The following NDRG3 variants were observed in gnomAD, a reference collection of about 807,000 sequenced individuals.
NDRG3 encodes the protein NDRG family member 3.
NDRG3 carries 23 observed loss-of-function variants against 57.2 expected under a neutral mutation model. The observed-to-expected ratio is 0.40, with a 90% CI of 0.29 to 0.57. The LOEUF (loss-of-function observed/expected upper bound fraction) is 0.57. Among genes scored for constraint, NDRG3 ranks in the 20% least tolerant of loss-of-function variants. NDRG3 has a pLI of 0.42. For missense variants in NDRG3, 384 were observed against 457.3 expected (o/e 0.84, Z 1.46); for synonymous variants, 132 against 162.6 (o/e 0.81, Z 1.43).
intron 8 of NDRG3, among the ~76,000 whole-genome samples, chr20:36,677,352 G>A (rs1980838696): frequency 6.6e-6 from 1 of 152,250 alleles, no homozygotes. Context: ...GGCCCTGAAG[G>A]CTACGGGCTG....
chr20:36,739,807 G>T (rs951482617), intron 1 of NDRG3, among the ~76,000 whole-genome samples: 1 of 151,700 alleles, frequency 6.6e-6, no homozygotes, highest in African/African-American at 2.4e-5. Flanking sequence ...CTACTCGGGA[G>T]GCTGAGGCAG....
At chr20:36,699,897 C>T (rs890002921) in intron 3 of NDRG3, among the ~76,000 whole-genome samples, 3 of 151,870 alleles carry the variant, frequency 2.0e-5, no homozygotes, top group East Asian at 1.9e-4. Flanking sequence ...CTGAGGCAGG[C>T]GGATCACGAG....
Position 36,665,254 on chromosome 20 carries a change from T to C in NDRG3, c.740A>G (p.Asn247Ser). ...IERPILGQND[N>S]KSKTLKCSTL... ...AACTTACTTTAATGTTTTTGATTTG[T>C]TATCATTTTGGCCCAGTATGGGTCT... Residue 247 changes from asparagine to serine, a missense_variant, in exon 11 of 16, where the codon AAC (asparagine) becomes AGC (serine). Asn to Ser is a conservative substitution (Grantham distance 46). Coordinates refer to ENST00000349004, the MANE Select transcript of NDRG3 (RefSeq NM_032013.4). 2.5e-6 allele frequency: 4 copies of C among 1,614,180 alleles called. No individual in the cohort carries two copies. The highest frequency in any genetic ancestry group is 3.4e-6 in the Non-Finnish European group (4 of 1,180,016).
intron 12 of NDRG3, among the ~76,000 whole-genome samples, chr20:36,664,482 A>G (rs1359717702): frequency 1.3e-5 from 2 of 152,186 alleles, no homozygotes; most frequent in Non-Finnish European, 2.9e-5. Context: ...CAGAAATCTG[A>G]CAATAAGTAA....
chr20:36,707,736 T>A (rs1370971506), intron 2 of NDRG3, among the ~76,000 whole-genome samples: 1 of 152,026 alleles, frequency 6.6e-6, no homozygotes, highest in Admixed American at 6.6e-5. Flanking sequence ...TCAATGGCAA[T>A]AACTCAGAAG....
At chr20:36,679,811 A>AATTT (rs1406944760) in intron 8 of NDRG3, among the ~76,000 whole-genome samples, 2 of 148,008 alleles carry the variant, frequency 1.4e-5, no homozygotes, top group Admixed American at 1.4e-4. Context: ...GCCAAATTGT[A>AATTT]ATTTATTTAT....
At chr20:36,732,653 C>T (rs1985350501) in intron 1 of NDRG3, among the ~76,000 whole-genome samples, 1 of 152,146 alleles carries the variant, frequency 6.6e-6, no homozygotes, top group African/African-American at 2.4e-5. Context: ...TCCTCCCCAC[C>T]AGCATGAGCC....
rs777644495 is a variant in NDRG3, at chr20:36,684,421, G to C, written c.375C>G (p.Thr125=). The C allele has an allele frequency of 6.2e-7, 1 of 1,613,786 alleles. No individual in the cohort carries two copies. The highest frequency in any genetic ancestry group is 1.1e-5 in the South Asian group (1 of 91,072). ...CTGCAGAATGAACCTACCTTAGGTGGGTAAGAACAGGAGGCAGCATTTCAG... is the reference window on the plus strand; with the variant it reads ...CTGCAGAATGAACCTACCTTAGGTGCGTAAGAACAGGAGGCAGCATTTCAG... ...ELAEMLPPVL[T]HLSLKSIIGI... is the part of the protein sequence containing the mutation. Residue 125 remains threonine, a synonymous_variant, in exon 6 of 16, where the codon ACC becomes ACG. Transcript: ENST00000349004.
At chr20:36,656,103 C>A (rs1267665548) in intron 15 of NDRG3, among the ~76,000 whole-genome samples, 1 of 138,518 alleles carries the variant, frequency 7.2e-6, no homozygotes, top group East Asian at 2.1e-4. Context: ...CACTGCACTC[C>A]AGCCTGGCAA....
rs561736088 is a variant in NDRG3, at chr20:36,669,757, C to T, written c.588+1584G>A. ...GGACTACAGGCATACACCACCACAT[C>T]CCGCTAATTTTTGTATTTTTAGTAG... is the stretch of plus-strand genomic sequence containing the variant. On this transcript the variant is annotated intron_variant, in intron 9 of 15. Transcript: ENST00000349004. Among the ~76,000 whole-genome samples, 20 of 151,842 alleles carry T rather than the reference C, an allele frequency of 1.3e-4. No individual in the cohort carries two copies. In the South Asian group the frequency reaches 3.9e-3, roughly 30 times the overall value.
At chr20:36,744,288 G>T (rs1013334596) in intron 1 of NDRG3, among the ~76,000 whole-genome samples, 1 of 152,074 alleles carries the variant, frequency 6.6e-6, no homozygotes, top group Non-Finnish European at 1.5e-5. Context: ...GGTAAATGGT[G>T]ATGACAAGTT....
At chr20:36,722,334 C>T (rs1191421848) in intron 1 of NDRG3, among the ~76,000 whole-genome samples, 2 of 152,100 alleles carry the variant, frequency 1.3e-5, no homozygotes, top group South Asian at 2.1e-4. Context: ...ACACCTTGAT[C>T]GCCATGTTGC....
intron 2 of NDRG3, among the ~76,000 whole-genome samples, chr20:36,718,212 TGGGGAGG>T (rs1005427971): frequency 6.6e-6 from 1 of 152,100 alleles, no homozygotes; most frequent in African/African-American, 2.4e-5. Context: ...ATTCACATAC[TGGGGAGG>T]GGGAGAGGGA....
intron 1 of NDRG3, among the ~76,000 whole-genome samples, chr20:36,733,166 A>AT (rs1568672778): frequency 1.9e-4 from 15 of 77,602 alleles, no homozygotes; most frequent in South Asian, 8.0e-4. Context: ...AAAAAAAAAA[A>AT]AAAAAATATA....
intron 2 of NDRG3, among the ~76,000 whole-genome samples, chr20:36,715,022 ATATAT>A (rs1984177119): frequency 1.0e-5 from 1 of 95,414 alleles, no homozygotes; most frequent in Non-Finnish European, 1.9e-5. Flanking sequence ...ATATATATAT[ATATAT>A]ATATATATAT....
intron 2 of NDRG3, among the ~76,000 whole-genome samples, chr20:36,711,836 GTGGCACGATCT>G (rs576148181): frequency 4.5e-4 from 69 of 152,330 alleles, no homozygotes; most frequent in Admixed American, 8.5e-4. Flanking sequence ...TGCAGTTGCA[GTGGCACGATCT>G]TGGCTCACTG....
intron 13 of NDRG3, among the ~76,000 whole-genome samples, chr20:36,658,692 A>G (rs1158863672): frequency 6.6e-6 from 1 of 152,218 alleles, no homozygotes; most frequent in Non-Finnish European, 1.5e-5. Context: ...TCAACACTTT[A>G]GTAGAGGCTC....
chr20:36,706,501 TTTTG>T (rs1304025633), intron 3 of NDRG3, among the ~76,000 whole-genome samples: 1 of 152,096 alleles, frequency 6.6e-6, no homozygotes, highest in Non-Finnish European at 1.5e-5. Context: ...AAATCAGTTT[TTTTG>T]TTTGTTTGTT....
At chr20:36,654,244 G>T (rs899944696) in intron 15 of NDRG3, among the ~76,000 whole-genome samples, 1 of 152,172 alleles carries the variant, frequency 6.6e-6, no homozygotes, top group African/African-American at 2.4e-5. Flanking sequence ...ACAGGGATGA[G>T]GTACAGGTTG....
Sources: allele counts gnomAD v4.1 joint callset (sites outside exome capture counted in the v4.1 genomes callset), GRCh38; gene constraint gnomAD v4.1.1; transcripts MANE v1.5; gene names NCBI Gene and HGNC (gene_info 2026-07-23, HGNC 2026-07-21).